The following HTR4 variants were observed in gnomAD, a reference collection of about 807,000 sequenced individuals.
HTR4 encodes the protein 5-hydroxytryptamine receptor 4.
HTR4 carries 16 observed loss-of-function variants against 36.8 expected under a neutral mutation model. The ratio of observed to expected loss-of-function variants is 0.43; its 90% confidence interval spans 0.29 to 0.66. HTR4 has a LOEUF of 0.66. Ranked by LOEUF, HTR4 falls within the 30% of genes least tolerant of loss-of-function variation. HTR4 has a pLI of 0.13. For missense variants in HTR4, 438 were observed against 490.9 expected, an observed-to-expected ratio of 0.89 and a Z score of 1.02; for synonymous variants, 189 against 185.1, an observed-to-expected ratio of 1.02 and a Z score of -0.17.
At chr5:148,504,511 T>C (rs998362584) in intron 6 of HTR4, among the ~76,000 whole-genome samples, 15 of 152,190 alleles carry the variant, frequency 9.9e-5, no homozygotes, top group African/African-American at 3.4e-4. Flanking sequence ...GAGGGAAATT[T>C]ATAGCACTAA....
At chr5:148,547,836 T>C (rs993821539) in intron 4 of HTR4, among the ~76,000 whole-genome samples, 2 of 152,158 alleles carry the variant, frequency 1.3e-5, no homozygotes, top group Non-Finnish European at 2.9e-5. Context: ...TAAGAAATCA[T>C]TGTCCCTGGC....
At chr5:148,599,463 A>G (rs1190967294) in intron 2 of HTR4, among the ~76,000 whole-genome samples, 1 of 152,186 alleles carries the variant, frequency 6.6e-6, no homozygotes, top group Non-Finnish European at 1.5e-5. Context: ...TGGAAGTCAA[A>G]CACAATGGAA....
At chr5:148,528,513 G>A (rs1052645362) in intron 4 of HTR4, among the ~76,000 whole-genome samples, 6 of 151,402 alleles carry the variant, frequency 4.0e-5, no homozygotes, top group African/African-American at 1.5e-4. Flanking sequence ...TCCTCTGAAG[G>A]CTGGACTCAA....
rs367811841 is a variant in HTR4 at position 148,451,697 on chromosome 5, C to T, written c.1077-425G>A. Among the ~76,000 whole-genome samples, 8 of 152,302 alleles carry T rather than the reference C, an allele frequency of 5.3e-5. No individual in the cohort carries two copies. The East Asian group carries it at 1.5e-3, about 29-fold the overall frequency. ...TGCTGATTGAGATGAATAAACCACT[C>T]AGAGCCTGAAATACAATGTAACTGT... On this transcript the variant is annotated intron_variant, in intron 5 of 5. Transcript: ENST00000521530.
chr5:148,507,722 T>A (rs2113767568), intron 6 of HTR4, among the ~76,000 whole-genome samples: 1 of 152,156 alleles, frequency 6.6e-6, no homozygotes, highest in East Asian at 1.9e-4. Context: ...TAAAATAGGC[T>A]TTCTTGGGCT....
At chr5:148,533,184 C>A (rs1758659850) in intron 4 of HTR4, among the ~76,000 whole-genome samples, 2 of 152,218 alleles carry the variant, frequency 1.3e-5, no homozygotes, top group Admixed American at 1.3e-4. Flanking sequence ...TGTTCTCCAG[C>A]CTTCCATTGG....
chr5:148,570,753 G>A (rs949411514), intron 2 of HTR4, among the ~76,000 whole-genome samples: 13 of 152,124 alleles, frequency 8.5e-5, no homozygotes, highest in African/African-American at 3.1e-4. Flanking sequence ...GGGGTGACAT[G>A]ATTAGATTTG....
At chr5:148,643,650 A>C (rs1753791522) in intron 1 of HTR4, among the ~76,000 whole-genome samples, 3 of 152,248 alleles carry the variant, frequency 2.0e-5, no homozygotes. Flanking sequence ...GCACCTGAGA[A>C]TAAATGGCAT....
At chr5:148,614,775 C>T (rs1752592870) in intron 2 of HTR4, among the ~76,000 whole-genome samples, 1 of 152,088 alleles carries the variant, frequency 6.6e-6, no homozygotes, top group South Asian at 2.1e-4. Flanking sequence ...TTTTCACAAC[C>T]TACTCATCTG....
intron 2 of HTR4, among the ~76,000 whole-genome samples, chr5:148,609,449 AG>A (rs1362218909): frequency 6.6e-6 from 1 of 152,212 alleles, no homozygotes; most frequent in Non-Finnish European, 1.5e-5. Context: ...CCAAAATATA[AG>A]GCAAATACTT....
chr5:148,490,478 A>G (rs2113733504), intron 6 of HTR4: 2 of 635,026 alleles, frequency 3.1e-6, no homozygotes, highest in South Asian at 1.3e-4. Context: ...AAAATGTTAC[A>G]CTGGCTGAAA....
chr5:148,547,080 A>G (rs990511467), intron 4 of HTR4, among the ~76,000 whole-genome samples: 2 of 152,212 alleles, frequency 1.3e-5, no homozygotes, highest in Non-Finnish European at 2.9e-5. Context: ...TGGCAGAGGA[A>G]AAGAGAAAGC....
intron 2 of HTR4, among the ~76,000 whole-genome samples, chr5:148,590,686 A>G (rs1761530472): frequency 6.6e-6 from 1 of 152,054 alleles, no homozygotes; most frequent in Non-Finnish European, 1.5e-5. Flanking sequence ...GTCTTGTTTA[A>G]AAACGTATTT....
intron 2 of HTR4, among the ~76,000 whole-genome samples, chr5:148,603,537 T>C (rs1436171119): frequency 6.6e-6 from 1 of 151,988 alleles, no homozygotes; most frequent in Non-Finnish European, 1.5e-5. Flanking sequence ...GCCAGTATGA[T>C]GAGGTAAGAA....
intron 1 of HTR4, among the ~76,000 whole-genome samples, chr5:148,650,073 G>T (rs558842122): frequency 6.6e-6 from 1 of 151,798 alleles, no homozygotes; most frequent in Middle Eastern, 3.2e-3. Context: ...TACATAGTAG[G>T]GTACATGAGA....
chr5:148,497,803 A>T (rs985785222), intron 6 of HTR4, among the ~76,000 whole-genome samples: 3 of 152,236 alleles, frequency 2.0e-5, no homozygotes, highest in African/African-American at 7.2e-5. Flanking sequence ...CACTGGCATT[A>T]TGCCTCTTTC....
At chr5:148,645,742 A>G (rs1294111391) in intron 1 of HTR4, 1 of 152,232 alleles carries the variant, frequency 6.6e-6, no homozygotes, top group African/African-American at 2.4e-5. Context: ...AGCTGTTGTA[A>G]TAAGGTGGAT....
At position 148,617,478 on chromosome 5, in the gene HTR4, G is replaced by GTT. The variant is rs372475925; in HGVS notation, c.26+19509_26+19510dup. Among the ~76,000 whole-genome samples, 296 of 90,012 alleles carry GTT rather than the reference G, an allele frequency of 3.3e-3. 1 individual carries two copies. Among genetic ancestry groups the GTT allele is most frequent in the African/African-American group, 7.8e-3 (276 of 35,392 alleles). The allele number at this position is 90,012 out of a possible 152,430, so 59.1% of individuals were successfully genotyped here. ...AAGTCTCTCTCTTTTGTTTTTTTTT[G>GTT]TTTTTTTTGAGATGGAGTCTTGCCC... On this transcript the variant is annotated intron_variant, in intron 2 of 6. Coordinates refer to ENST00000377888, the MANE Select transcript of HTR4 (RefSeq NM_000870.7).
intron 2 of HTR4, among the ~76,000 whole-genome samples, chr5:148,574,676 C>A (rs1306593336): frequency 6.6e-6 from 1 of 152,074 alleles, no homozygotes; most frequent in African/African-American, 2.4e-5. Flanking sequence ...TCTTTCAAAG[C>A]TGACCTCATC....
Sources: allele counts gnomAD v4.1 joint callset (sites outside exome capture counted in the v4.1 genomes callset), GRCh38; gene constraint gnomAD v4.1.1; transcripts MANE v1.5; gene names NCBI Gene and HGNC (gene_info 2026-07-23, HGNC 2026-07-21).